SFSWAP: variants seen among roughly 807,000 people sequenced by gnomAD.
SFSWAP encodes splicing factor SWAP, also known as splicing factor, suppressor of white-apricot homolog.
A neutral mutation model predicts 100.7 loss-of-function variants in SFSWAP; 17 were observed. The ratio of observed to expected loss-of-function variants is 0.17; its 90% confidence interval spans 0.12 to 0.25. The LOEUF (loss-of-function observed/expected upper bound fraction) is 0.25, where lower values mean the gene tolerates loss of function less well. SFSWAP is among the 10% of genes least tolerant of loss of function. The pLI is 1.00. For synonymous variants in SFSWAP, 504 were observed against 510.1 expected (o/e 0.99, Z 0.16); for missense variants, 1,005 against 1,262.6 (o/e 0.80, Z 3.09).
intron 5 of SFSWAP, among the ~76,000 whole-genome samples, chr12:131,726,237 C>T (rs1025394716): frequency 6.6e-6 from 1 of 151,544 alleles, no homozygotes; most frequent in Non-Finnish European, 1.5e-5. Context: ...GAGTCTCGCT[C>T]TTGTCGCCCA....
intron 10 of SFSWAP, among the ~76,000 whole-genome samples, chr12:131,756,065 G>A (rs1482495027): frequency 6.6e-6 from 1 of 152,244 alleles, no homozygotes; most frequent in Non-Finnish European, 1.5e-5. Flanking sequence ...GTGAGGAGAT[G>A]ACATGGGCCT....
chr12:131,729,358 T>G (rs939947820), intron 7 of SFSWAP, among the ~76,000 whole-genome samples: 1 of 151,764 alleles, frequency 6.6e-6, no homozygotes, highest in African/African-American at 2.4e-5. Context: ...AAAAAAAAAT[T>G]AGCTGGGCAT....
At chr12:131,717,719 A>C (rs1488319486) in intron 3 of SFSWAP, among the ~76,000 whole-genome samples, 1 of 152,086 alleles carries the variant, frequency 6.6e-6, no homozygotes, top group Non-Finnish European at 1.5e-5. Flanking sequence ...TAAAAGTTGT[A>C]TTTTTAAATT....
chr12:131,790,790 A>G (rs1434667823), intron 15 of SFSWAP, among the ~76,000 whole-genome samples: 2 of 152,266 alleles, frequency 1.3e-5, no homozygotes, highest in African/African-American at 4.8e-5. Context: ...TCACTGCTGC[A>G]GTAAAGATCT....
intron 1 of SFSWAP, chr12:131,713,123 A>T (rs1227847631): frequency 1.3e-5 from 2 of 152,130 alleles, no homozygotes; most frequent in African/African-American, 4.8e-5. Context: ...AGTCAGCATT[A>T]AAAAAATAAG....
intron 13 of SFSWAP, among the ~76,000 whole-genome samples, chr12:131,769,266 C>T (rs777119414): frequency 5.9e-5 from 9 of 152,166 alleles, no homozygotes; most frequent in African/African-American, 1.9e-4. Flanking sequence ...ATATCCACTT[C>T]TGTGGTTACA....
chr12:131,733,575 C>T lies in SFSWAP; in HGVS notation c.1081+5147C>T, dbSNP rs951379252. On this transcript the variant is annotated intron_variant, in intron 7 of 17. Coordinates refer to ENST00000261674, the MANE Select transcript of SFSWAP (RefSeq NM_004592.4). This position sits in a 1 kb window ranked among gnomAD's most constrained non-coding sequence, Gnocchi z 5.1. Reference sequence around the variant, plus strand: ...GGAGGTGGGCGCAGCTCCATGTTCTCGGGGGATTTCTTCACTGTGTTTCTT... The same window carrying T: ...GGAGGTGGGCGCAGCTCCATGTTCTTGGGGGATTTCTTCACTGTGTTTCTT... 2.0e-5 allele frequency among the ~76,000 whole-genome samples: 3 copies of T among 151,988 alleles called. No homozygotes were observed. Among genetic ancestry groups the T allele is most frequent in the Non-Finnish European group, 2.9e-5 (2 of 67,986 alleles).
chr12:131,715,490 A>G (rs539682337), intron 3 of SFSWAP, among the ~76,000 whole-genome samples: 3 of 152,360 alleles, frequency 2.0e-5, no homozygotes, highest in Middle Eastern at 6.8e-3. Flanking sequence ...TTTGGAATTT[A>G]TGCTTTTCTG....
chr12:131,738,468 G>A (rs1455188783), intron 7 of SFSWAP, among the ~76,000 whole-genome samples: 1 of 152,168 alleles, frequency 6.6e-6, no homozygotes, highest in Non-Finnish European at 1.5e-5. Context: ...TGTTGGATGT[G>A]TCTCTAGAAA....
intron 11 of SFSWAP, among the ~76,000 whole-genome samples, chr12:131,760,809 C>G (rs947575824): frequency 7.2e-5 from 11 of 152,186 alleles, no homozygotes; most frequent in African/African-American, 2.7e-4. Flanking sequence ...CATGGTGGCT[C>G]ACGCTTGTAA....
chr12:131,793,369 C>T (rs1188766323), intron 15 of SFSWAP, among the ~76,000 whole-genome samples: 1 of 152,124 alleles, frequency 6.6e-6, no homozygotes, highest in East Asian at 1.9e-4. Flanking sequence ...CAGGCATGAG[C>T]CACAGCACCC....
At chr12:131,785,424 C>G in intron 14 of SFSWAP, 1 of 480,884 alleles carries the variant, frequency 2.1e-6, no homozygotes, top group Non-Finnish European at 3.7e-6. Context: ...AATGATTCAA[C>G]GTAGAACTTT....
At chr12:131,755,353 TA>T in intron 9 of SFSWAP, 32 bp from the exon 10 acceptor site, 1 of 1,495,088 alleles carries the variant, frequency 6.7e-7, no homozygotes, top group Non-Finnish European at 9.3e-7. Context: ...CTTGTCTTGG[TA>T]AATGACCCAT....
chr12:131,793,832 C>T (rs1292743779), intron 15 of SFSWAP, among the ~76,000 whole-genome samples: 1 of 152,102 alleles, frequency 6.6e-6, no homozygotes, highest in Non-Finnish European at 1.5e-5. Context: ...CATGAGTCAC[C>T]AGTCAGGGAC....
rs1882445179 is a variant in SFSWAP at position 131,759,267 on chromosome 12, AC to A, written c.1720+2625del. The stretch of plus-strand genomic sequence containing the variant: ...ATCAGGAACCAACATAGACCTATAG[AC>A]CTGAAAGAATTTTGAAAATAATTGG... On this transcript the variant is annotated intron_variant, in intron 11 of 17. Coordinates refer to ENST00000261674, the MANE Select transcript of SFSWAP (RefSeq NM_004592.4). Among the ~76,000 whole-genome samples the A allele has an allele frequency of 2.6e-5, 4 of 152,324 alleles. No homozygotes were observed. The South Asian group carries it at 6.2e-4, about 24-fold the overall frequency.
intron 4 of SFSWAP, 32 bp downstream of exon 4, chr12:131,719,571 CATT>C: frequency 2.7e-6 from 4 of 1,501,482 alleles, no homozygotes; most frequent in Non-Finnish European, 3.7e-6. Context: ...TAGTTGTCGT[CATT>C]ATTATTTATC....
At chr12:131,726,782 T>C (rs1431513973) in intron 5 of SFSWAP, among the ~76,000 whole-genome samples, 158 bp from the exon 6 acceptor site, 2 of 152,232 alleles carry the variant, frequency 1.3e-5, no homozygotes, top group Admixed American at 6.5e-5. Context: ...TATCTGGCCT[T>C]CTTCTGGACA....
At chr12:131,762,006 G>T (rs1006924737) in intron 11 of SFSWAP, among the ~76,000 whole-genome samples, 1 of 152,170 alleles carries the variant, frequency 6.6e-6, no homozygotes, top group East Asian at 1.9e-4. Context: ...GCCGGACAAG[G>T]TGGATCACCT....
chr12:131,726,171 T>TAC (rs1332475991), intron 5 of SFSWAP, among the ~76,000 whole-genome samples: 1 of 145,144 alleles, frequency 6.9e-6, no homozygotes, highest in East Asian at 2.7e-4. Flanking sequence ...TATATGTATA[T>TAC]ATATACACAC....
Sources: allele counts gnomAD v4.1 joint callset (sites outside exome capture counted in the v4.1 genomes callset), GRCh38; gene constraint gnomAD v4.1.1; non-coding constraint Gnocchi (gnomAD v3.1); transcripts MANE v1.5; gene names NCBI Gene and HGNC (gene_info 2026-07-23, HGNC 2026-07-21).